The following TRAF3IP1 variants were observed in gnomAD, a reference collection of about 807,000 sequenced individuals.
TRAF3IP1 encodes the protein intraflagellar transport 54.
A neutral mutation model predicts 89.9 loss-of-function variants in TRAF3IP1; 53 were observed. The observed-to-expected ratio is 0.59, with a 90% CI of 0.47 to 0.74. The LOEUF is 0.74. TRAF3IP1 is among the 30% of genes least tolerant of loss of function. TRAF3IP1 has a pLI of 0.00. For synonymous variants in TRAF3IP1, 311 were observed against 322.1 expected (o/e 0.97, Z 0.37); for missense variants, 806 against 866.1 (o/e 0.93, Z 0.87).
intron 7 of TRAF3IP1, among the ~76,000 whole-genome samples, chr2:238,334,410 G>C (rs182982089): frequency 1.2e-3 from 186 of 152,348 alleles, no homozygotes; most frequent in African/African-American, 4.4e-3. Flanking sequence ...AGAGCATGTA[G>C]GCAGATAATG....
intron 15 of TRAF3IP1, among the ~76,000 whole-genome samples, chr2:238,377,416 A>G (rs1276381905): frequency 6.7e-6 from 1 of 149,066 alleles, no homozygotes; most frequent in Non-Finnish European, 1.5e-5. Flanking sequence ...TTCCCCCCCC[A>G]CTGTGGGGCT....
rs1699140411 is a variant in TRAF3IP1, at chr2:238,351,312, A to G, written c.1452-1515A>G. 6.7e-6 allele frequency among the ~76,000 whole-genome samples: 1 copy of G among 150,292 alleles called. No individual in the cohort carries two copies. Among genetic ancestry groups the G allele is most frequent in the African/African-American group, 2.5e-5 (1 of 40,680 alleles). On this transcript the variant is annotated intron_variant, in intron 12 of 16. Coordinates refer to ENST00000373327, the MANE Select transcript of TRAF3IP1 (RefSeq NM_015650.4). This position sits in a 1 kb window ranked among gnomAD's most constrained non-coding sequence, Gnocchi z 5.2. ...GGGTCCAGGAGGACTGGGTGGGACCATGGGTTGGCAGCTGATGGCAGCAAT... is the reference window on the plus strand; with the variant it reads ...GGGTCCAGGAGGACTGGGTGGGACCGTGGGTTGGCAGCTGATGGCAGCAAT...
At chr2:238,325,221 T>C (rs1484521720) in intron 1 of TRAF3IP1, 85 bp from the exon 2 acceptor site, 1 of 1,290,298 alleles carries the variant, frequency 7.8e-7, no homozygotes, top group African/African-American at 1.5e-5. Context: ...AATTCTGACA[T>C]CTCCCAAGTG....
chr2:238,375,342 T>C (rs1292335473), intron 15 of TRAF3IP1, among the ~76,000 whole-genome samples: 1 of 152,238 alleles, frequency 6.6e-6, no homozygotes, highest in Non-Finnish European at 1.5e-5. Flanking sequence ...TTTGTTCTCA[T>C]TGGTTTCAAA....
rs1357643209 is a variant in TRAF3IP1 at position 238,351,498 on chromosome 2, T to C, written c.1452-1329T>C. On this transcript the variant is annotated intron_variant, in intron 12 of 16. Coordinates refer to ENST00000373327, the MANE Select transcript of TRAF3IP1 (RefSeq NM_015650.4). This position sits in a 1 kb window ranked among gnomAD's most constrained non-coding sequence, Gnocchi z 5.2. Reference sequence around the variant, plus strand: ...GCAGCTGAGGGCTGTGGGGAAGCTGTGTCCTGGAGAGCAAGGCGGGACAGA... The same window carrying C: ...GCAGCTGAGGGCTGTGGGGAAGCTGCGTCCTGGAGAGCAAGGCGGGACAGA... Among the ~76,000 whole-genome samples, 1 of 152,032 alleles carries C rather than the reference T, an allele frequency of 6.6e-6. No individual in the cohort carries two copies. Among genetic ancestry groups the C allele is most frequent in the Non-Finnish European group, 1.5e-5 (1 of 67,998 alleles).
chr2:238,381,286 C>T (rs928700372), intron 15 of TRAF3IP1, among the ~76,000 whole-genome samples: 13 of 152,090 alleles, frequency 8.5e-5, no homozygotes, highest in African/African-American at 2.7e-4. Flanking sequence ...GGGTTGCACC[C>T]GCATTCCAGA....
chr2:238,335,316 T>TGAG (rs533805877), intron 7 of TRAF3IP1, among the ~76,000 whole-genome samples: 42 of 152,306 alleles, frequency 2.8e-4, no homozygotes, highest in African/African-American at 9.9e-4. Flanking sequence ...TGGTATAAGG[T>TGAG]GAGGCTCTGA....
intron 15 of TRAF3IP1, among the ~76,000 whole-genome samples, chr2:238,380,210 A>G (rs1039777782): frequency 2.0e-5 from 3 of 152,048 alleles, no homozygotes; most frequent in Non-Finnish European, 2.9e-5. Flanking sequence ...GCTGGGTGTA[A>G]AATTGCTCCC....
At chr2:238,320,812 A>G in intron 1 of TRAF3IP1, 27 bp downstream of exon 1, 15 of 1,373,974 alleles carry the variant, frequency 1.1e-5, no homozygotes, top group Non-Finnish European at 1.4e-5. Flanking sequence ...GGGCCCGGCC[A>G]GGTGCGGGTC....
chr2:238,369,217 A>G (rs1355141437), intron 15 of TRAF3IP1, among the ~76,000 whole-genome samples: 1 of 150,280 alleles, frequency 6.7e-6, no homozygotes, highest in African/African-American at 2.5e-5. Flanking sequence ...CCAAGCAATT[A>G]AAGTAAATAT....
chr2:238,375,248 C>A lies in TRAF3IP1; in HGVS notation c.1689+19168C>A, dbSNP rs1241397658. Among the ~76,000 whole-genome samples, 11 of 152,270 alleles carry A rather than the reference C, an allele frequency of 7.2e-5. No individual in the cohort carries two copies. In the East Asian group the frequency reaches 2.1e-3, roughly 29 times the overall value. ...GGGTGTTGATTTTAAATCTTTCCTG[C>A]TTTTTCTTGTGGGCATTTAGTGCTA... On this transcript the variant is annotated intron_variant, in intron 15 of 16. Coordinates refer to ENST00000373327, the MANE Select transcript of TRAF3IP1 (RefSeq NM_015650.4).
chr2:238,334,151 T>C (rs1559359427), intron 7 of TRAF3IP1, 116 bp downstream of exon 7: 33 of 771,160 alleles, frequency 4.3e-5, no homozygotes, highest in Non-Finnish European at 4.7e-5. Context: ...AGACTTGCTG[T>C]GTCTGGGAAT....
chr2:238,361,952 C>T (rs901878573), intron 15 of TRAF3IP1, among the ~76,000 whole-genome samples: 1 of 152,222 alleles, frequency 6.6e-6, no homozygotes, highest in Admixed American at 6.5e-5. Flanking sequence ...TCTCTCCTAA[C>T]CCCATTCCAG....
chr2:238,361,211 T>G (rs545535957), intron 15 of TRAF3IP1, among the ~76,000 whole-genome samples: 11 of 151,972 alleles, frequency 7.2e-5, no homozygotes, highest in Admixed American at 5.9e-4. Context: ...CACACCTGGC[T>G]AATTTTTGTA....
chr2:238,390,402 G>A (rs999283948), intron 15 of TRAF3IP1, among the ~76,000 whole-genome samples: 14 of 152,188 alleles, frequency 9.2e-5, no homozygotes, highest in African/African-American at 2.9e-4. Flanking sequence ...GAAGTGTGTC[G>A]ATGAGGAAGG....
At chr2:238,358,521 G>A (rs1699522414) in intron 15 of TRAF3IP1, among the ~76,000 whole-genome samples, 2 of 152,156 alleles carry the variant, frequency 1.3e-5, no homozygotes, top group South Asian at 2.1e-4. Flanking sequence ...GGATGACAGA[G>A]CAAGCCTGTC....
rs897567103 is a variant in TRAF3IP1, at chr2:238,344,809, C to T, written c.1261+211C>T. On this transcript the variant is annotated intron_variant, in intron 9 of 16. Coordinates refer to ENST00000373327, the MANE Select transcript of TRAF3IP1 (RefSeq NM_015650.4). ...AGCATGGGACCCACTCGTGTGCTCC[C>T]CCGTGCTCTGTAAGTGAGAGGAGGT... The T allele has an allele frequency of 6.0e-6, 4 of 666,084 alleles. No homozygotes were observed. In the African/African-American group the frequency reaches 7.1e-5, roughly 12 times the overall value. 41.3% of individuals were successfully genotyped at this position (666,084 alleles called of 1,614,324 possible).
At chr2:238,327,234 C>T (rs969004477) in intron 3 of TRAF3IP1, among the ~76,000 whole-genome samples, 4 of 152,244 alleles carry the variant, frequency 2.6e-5, no homozygotes, top group South Asian at 2.1e-4. Flanking sequence ...TGCCTTCCTC[C>T]TCCAGCCTCA....
chr2:238,385,102 G>A (rs1221654957), intron 15 of TRAF3IP1, among the ~76,000 whole-genome samples: 1 of 151,498 alleles, frequency 6.6e-6, no homozygotes, highest in East Asian at 2.0e-4. Flanking sequence ...TGCAATCTCC[G>A]CCTCCCGGGT....
Sources: allele counts gnomAD v4.1 joint callset (sites outside exome capture counted in the v4.1 genomes callset), GRCh38; gene constraint gnomAD v4.1.1; non-coding constraint Gnocchi (gnomAD v3.1); transcripts MANE v1.5; gene names NCBI Gene and HGNC (gene_info 2026-07-23, HGNC 2026-07-21).